The following EPAS1 variants were observed in gnomAD, a reference collection of about 807,000 sequenced individuals.
The protein encoded by EPAS1 is endothelial PAS domain-containing protein 1.
In EPAS1, 23 loss-of-function variants were observed where a neutral mutation model predicts 87.9. That is an observed-to-expected ratio of 0.26 (90% CI 0.19 to 0.37). The LOEUF (loss-of-function observed/expected upper bound fraction) is 0.37, where lower values mean the gene tolerates loss of function less well. Among genes scored for constraint, EPAS1 ranks in the 10% least tolerant of loss-of-function variants. The pLI is 1.00. For missense variants in EPAS1, 1,138 were observed against 1,120.7 expected (o/e 1.02, Z -0.22); for synonymous variants, 508 against 444.3 (o/e 1.14, Z -1.80).
intron 2 of EPAS1, among the ~76,000 whole-genome samples, chr2:46,351,570 G>A (rs1684145961): frequency 6.6e-6 from 1 of 152,156 alleles, no homozygotes; most frequent in African/African-American, 2.4e-5. Context: ...CGGGAGGGCG[G>A]GGTTTGAGGG....
At chr2:46,382,216 G>A (rs548614386) in intron 14 of EPAS1, 127 bp downstream of exon 14, 18 of 1,070,682 alleles carry the variant, frequency 1.7e-5, no homozygotes, top group South Asian at 1.6e-4. Context: ...TTAGAATGGG[G>A]CGATGTCCTC....
In EPAS1 at chr2:46,384,674, C is replaced by T. The variant is rs1380319586; in HGVS notation, c.*14C>T. The stretch of plus-strand genomic sequence containing the variant: ...CAGGCCACCTGAGCCAGGCCTTCTA[C>T]CTGGGCAGCACCTCTGCCGACGCCG... On this transcript the variant is annotated 3_prime_UTR_variant, in exon 16 of 16. Transcript: ENST00000263734. 2 of 1,613,042 alleles carry T rather than the reference C, an allele frequency of 1.2e-6. No homozygotes were observed. Among genetic ancestry groups the T allele is most frequent in the Admixed American group, 1.7e-5 (1 of 59,982 alleles).
intron 7 of EPAS1, among the ~76,000 whole-genome samples, chr2:46,373,427 A>G (rs1478441401): frequency 2.6e-5 from 4 of 152,248 alleles, no homozygotes; most frequent in Admixed American, 2.0e-4. Flanking sequence ...ATGTCCATGC[A>G]ACGGAATACA....
At chr2:46,382,143 G>C in intron 14 of EPAS1, 54 bp downstream of exon 14, 2 of 1,538,660 alleles carry the variant, frequency 1.3e-6, no homozygotes, top group Non-Finnish European at 1.8e-6. Flanking sequence ...GAAGGACTGG[G>C]GCTCGGGAGC....
At position 46,381,672 on chromosome 2, in the gene EPAS1, C is replaced by G; in HGVS notation, c.2122C>G (p.Leu708Val). 6.2e-7 allele frequency: 1 copy of G among 1,614,052 alleles called. No individual in the cohort carries two copies. Among genetic ancestry groups the G allele is most frequent in the Non-Finnish European group, 8.5e-7 (1 of 1,180,034 alleles). ...GGTAGCCCTCTCCAACAAGCTGAAG[C>G]TGAAGCGACAGCTGGAGTATGAAGA... ...AMVALSNKLK[L>V]KRQLEYEEQA... The change falls in exon 13 of 16, where the codon CTG (leucine) becomes GTG (valine). Residue 708 changes from leucine (L) to valine (V), a missense_variant. Physicochemically the swap from Leu to Val is conservative, Grantham distance 32. Transcript: ENST00000263734.
At chr2:46,342,194 A>G (rs1683926643) in intron 1 of EPAS1, among the ~76,000 whole-genome samples, 1 of 152,020 alleles carries the variant, frequency 6.6e-6, no homozygotes, top group Non-Finnish European at 1.5e-5. Flanking sequence ...AAAACTGAGA[A>G]CCACCGACTT....
chr2:46,383,902 G>A (rs991374694), intron 15 of EPAS1, among the ~76,000 whole-genome samples: 2 of 152,124 alleles, frequency 1.3e-5, no homozygotes, highest in African/African-American at 4.8e-5. Flanking sequence ...GAAGGTGGGT[G>A]GGCATCTCCC....
At position 46,346,067 on chromosome 2, in the gene EPAS1, T is replaced by G. The variant is rs1350254034; in HGVS notation, c.27-806T>G. On this transcript the variant is annotated intron_variant, in intron 1 of 15. Coordinates refer to ENST00000263734, the MANE Select transcript of EPAS1 (RefSeq NM_001430.5). The surrounding 1 kb of genome is among the most constrained non-coding windows in gnomAD (Gnocchi z 4.0). ...TCTAAACATTCTGGCTTTTAAATAT[T>G]GCCCGTGCTAGAACTTGCCATGGAC... Among the ~76,000 whole-genome samples, 1 of 152,226 alleles carries G rather than the reference T, an allele frequency of 6.6e-6. No homozygotes were observed. Among genetic ancestry groups the G allele is most frequent in the Non-Finnish European group, 1.5e-5 (1 of 68,034 alleles).
intron 1 of EPAS1, among the ~76,000 whole-genome samples, chr2:46,341,299 CG>C (rs1208597103): frequency 2.6e-5 from 4 of 152,158 alleles, no homozygotes; most frequent in Admixed American, 1.3e-4. Context: ...TGGTGACTAA[CG>C]GGGTGGGTAA....
At position 46,347,229 on chromosome 2, in the gene EPAS1, C is replaced by T; in HGVS notation, c.217+166C>T. 1.3e-6 allele frequency: 1 copy of T among 770,300 alleles called. No individual in the cohort carries two copies. Among genetic ancestry groups the T allele is most frequent in the Non-Finnish European group, 2.2e-6 (1 of 458,736 alleles). 47.7% of individuals were successfully genotyped at this position (770,300 alleles called of 1,614,324 possible). A position where few individuals can be genotyped will look rare whatever the true frequency, so the allele number is the denominator to read the frequency against. On this transcript the variant is annotated intron_variant, in intron 2 of 15. Transcript: ENST00000263734. The surrounding 1 kb of genome is among the most constrained non-coding windows in gnomAD (Gnocchi z 4.2). The stretch of plus-strand genomic sequence containing the variant: ...ATTTATTCCTTCATGTTAAACATCT[C>T]TCTTCCAGCAGTGACCTTTACCGTG...
At chr2:46,381,308 G>GA (rs1413343086) in intron 12 of EPAS1, 1 of 479,324 alleles carries the variant, frequency 2.1e-6, no homozygotes, top group African/African-American at 2.0e-5. Context: ...GCAAAAGGCA[G>GA]AGGAGAGACA....
chr2:46,320,157 G>A (rs180754155), intron 1 of EPAS1, among the ~76,000 whole-genome samples: 3 of 152,206 alleles, frequency 2.0e-5, no homozygotes, highest in African/African-American at 7.2e-5. Context: ...CTCTATTCCC[G>A]AGGAATGAGG....
chr2:46,373,818 A>G (rs1302086490), intron 7 of EPAS1, among the ~76,000 whole-genome samples: 1 of 152,244 alleles, frequency 6.6e-6, no homozygotes, highest in East Asian at 1.9e-4. Context: ...AAACAGAAAA[A>G]GCTTAGACTA....
At chr2:46,321,410 G>C (rs1471964090) in intron 1 of EPAS1, among the ~76,000 whole-genome samples, 1 of 152,018 alleles carries the variant, frequency 6.6e-6, no homozygotes, top group Non-Finnish European at 1.5e-5. Flanking sequence ...TGGATCATAT[G>C]GTAATTCTGT....
At chr2:46,341,871 T>C (rs1683920051) in intron 1 of EPAS1, among the ~76,000 whole-genome samples, 2 of 152,228 alleles carry the variant, frequency 1.3e-5, no homozygotes, top group Admixed American at 6.5e-5. Flanking sequence ...TAAATGCATC[T>C]GGCCCCAGTG....
At chr2:46,332,291 C>A (rs1418986929) in intron 1 of EPAS1, among the ~76,000 whole-genome samples, 1 of 110,800 alleles carries the variant, frequency 9.0e-6, no homozygotes. Flanking sequence ...AAAAAAAATA[C>A]GTGTGTGTGT....
At position 46,375,896 on chromosome 2, in the gene EPAS1, C is replaced by T. The variant is rs1684734672; in HGVS notation, c.1034+59C>T. On this transcript the variant is annotated intron_variant, in intron 8 of 15. Coordinates refer to ENST00000263734, the MANE Select transcript of EPAS1 (RefSeq NM_001430.5). This position sits in a 1 kb window ranked among gnomAD's most constrained non-coding sequence, Gnocchi z 4.1. The stretch of plus-strand genomic sequence containing the variant: ...GGGTATGTGGGGGTGCCCAAGCTTC[C>T]CAGACTCAGGATGACAGGCCTAGGA... 1 of 1,611,332 alleles carries T rather than the reference C, an allele frequency of 6.2e-7. No homozygotes were observed. Among genetic ancestry groups the T allele is most frequent in the Non-Finnish European group, 8.5e-7 (1 of 1,178,374 alleles).
At chr2:46,303,778 C>G (rs916137786) in intron 1 of EPAS1, among the ~76,000 whole-genome samples, 9 of 152,196 alleles carry the variant, frequency 5.9e-5, no homozygotes, top group African/African-American at 2.2e-4. Flanking sequence ...TCTTGGATGT[C>G]TGATTTGGTG....
chr2:46,381,758 T>C (rs1684898733), intron 13 of EPAS1, 36 bp downstream of exon 13: 3 of 1,613,128 alleles, frequency 1.9e-6, no homozygotes, highest in African/African-American at 1.3e-5. Flanking sequence ...GGCCTCTCCA[T>C]AGCCCTTAGG....
Sources: allele counts gnomAD v4.1 joint callset (sites outside exome capture counted in the v4.1 genomes callset), GRCh38; gene constraint gnomAD v4.1.1; non-coding constraint Gnocchi (gnomAD v3.1); transcripts MANE v1.5; gene names NCBI Gene and HGNC (gene_info 2026-07-23, HGNC 2026-07-21).